The following DST variants were observed in gnomAD, a reference collection of about 807,000 sequenced individuals.
The protein encoded by DST is dystonin.
In DST, 253 loss-of-function variants were observed where a neutral mutation model predicts 875.2. That is an observed-to-expected ratio of 0.29 (90% confidence interval 0.26 to 0.32). DST has a LOEUF of 0.32. Ranked by LOEUF, DST falls within the 10% of genes least tolerant of loss-of-function variation. The pLI is 1.00. For missense variants in DST, 8,287 were observed against 9,111.6 expected (o/e 0.91, Z 3.68); for synonymous variants, 3,124 against 3,197.1 (o/e 0.98, Z 0.77).
intron 5 of DST, among the ~76,000 whole-genome samples, chr6:56,723,827 T>A (rs2099431547): frequency 6.6e-6 from 1 of 152,222 alleles, no homozygotes; most frequent in African/African-American, 2.4e-5. Context: ...CTTTTTAGTA[T>A]GCTAATGTGT....
At chr6:56,880,361 T>C (rs1178796168) in intron 3 of DST, among the ~76,000 whole-genome samples, 4 of 152,206 alleles carry the variant, frequency 2.6e-5, no homozygotes, top group African/African-American at 9.6e-5. Context: ...AAGAAATTAC[T>C]TCGGAGAAAC....
At chr6:56,712,070 G>C (rs1482863799) in intron 5 of DST, among the ~76,000 whole-genome samples, 2 of 116,912 alleles carry the variant, frequency 1.7e-5, no homozygotes, top group East Asian at 4.0e-4. Flanking sequence ...CAGCCTGGGC[G>C]ACAGAGCGAG....
chr6:56,851,653 T>G, intron 3 of DST, 49 bp from the exon 4 acceptor site: 6 of 1,586,564 alleles, frequency 3.8e-6, no homozygotes, highest in Non-Finnish European at 5.2e-6. Context: ...TACTCACATA[T>G]GCTCAATGAT....
Position 56,509,729 on chromosome 6 carries a change from G to A in DST, c.18925C>T (p.Leu6309=). 1 of 1,613,708 alleles carries A rather than the reference G, an allele frequency of 6.2e-7. No homozygotes were observed. Among genetic ancestry groups the A allele is most frequent in the Non-Finnish European group, 8.5e-7 (1 of 1,179,768 alleles). Residue 6309 remains leucine (L), a synonymous_variant, in exon 74 of 104, where the codon CTA becomes TTA. Coordinates refer to ENST00000680361, the MANE Select transcript of DST (RefSeq NM_001374736.1). The part of the protein sequence containing the change: ...NKNVSVDMEK[L]QPLYETLKQR... ...TTAAGAGTTTCATACAACGGCTGTAGCTTTTCCATGTCTACTGACACATTC... is the reference window on the plus strand; with the variant it reads ...TTAAGAGTTTCATACAACGGCTGTAACTTTTCCATGTCTACTGACACATTC...
At chr6:56,812,947 C>A (rs982373909) in intron 4 of DST, among the ~76,000 whole-genome samples, 3 of 151,470 alleles carry the variant, frequency 2.0e-5, no homozygotes, top group Admixed American at 1.3e-4. Flanking sequence ...ATGTTTATTG[C>A]GGCACTATTC....
intron 95 of DST, 108 bp downstream of exon 95, chr6:56,470,998 A>T: frequency 8.1e-7 from 1 of 1,231,720 alleles, no homozygotes; most frequent in Non-Finnish European, 1.1e-6. Context: ...TAGGCAACTT[A>T]TAAGACAATG....
At chr6:56,952,153 T>C (rs1235217731) in intron 2 of DST, among the ~76,000 whole-genome samples, 2 of 152,192 alleles carry the variant, frequency 1.3e-5, no homozygotes, top group East Asian at 3.8e-4. Flanking sequence ...AGGAATCTTA[T>C]GAAGTGAGTT....
At chr6:56,556,928 CAAAAT>C (rs1436351816) in intron 59 of DST, among the ~76,000 whole-genome samples, 2 of 152,090 alleles carry the variant, frequency 1.3e-5, no homozygotes, top group Non-Finnish European at 2.9e-5. Flanking sequence ...CTACCACAAT[CAAAAT>C]AAATAAAACC....
At chr6:56,742,997 C>G (rs998470938) in intron 4 of DST, among the ~76,000 whole-genome samples, 1 of 152,192 alleles carries the variant, frequency 6.6e-6, no homozygotes, top group Non-Finnish European at 1.5e-5. Context: ...TAAAATTCCA[C>G]AGCCAAAGTG....
chr6:56,465,057 T>C (rs1375602283), intron 99 of DST, among the ~76,000 whole-genome samples: 20 of 152,244 alleles, frequency 1.3e-4, no homozygotes, highest in Admixed American at 1.2e-3. Context: ...TTTCAAAATA[T>C]AAAACAAACA....
At chr6:56,923,166 A>T (rs891798413) in intron 2 of DST, among the ~76,000 whole-genome samples, 2 of 152,152 alleles carry the variant, frequency 1.3e-5, no homozygotes, top group African/African-American at 2.4e-5. Context: ...AATTCACTAC[A>T]GTTATAAATT....
intron 4 of DST, among the ~76,000 whole-genome samples, chr6:56,827,713 T>C (rs2099782423): frequency 6.6e-6 from 1 of 152,084 alleles, no homozygotes; most frequent in Admixed American, 6.5e-5. Context: ...TTACCTGCTG[T>C]TAGCATAGAG....
intron 4 of DST, chr6:56,742,246 T>C: frequency 2.4e-6 from 3 of 1,241,004 alleles, no homozygotes; most frequent in Non-Finnish European, 2.1e-6. Context: ...AACATGAAAG[T>C]GATAGTATAT....
intron 88 of DST, among the ~76,000 whole-genome samples, chr6:56,483,239 G>T (rs1459111712): frequency 6.6e-6 from 1 of 152,098 alleles, no homozygotes; most frequent in Non-Finnish European, 1.5e-5. Flanking sequence ...TTAATATGGT[G>T]TCCCAATTTC....
At chr6:56,762,558 T>A (rs1012665640) in intron 4 of DST, among the ~76,000 whole-genome samples, 1 of 152,222 alleles carries the variant, frequency 6.6e-6, no homozygotes, top group Non-Finnish European at 1.5e-5. Flanking sequence ...TTCTTAACTA[T>A]ATACTTCTTT....
intron 37 of DST, among the ~76,000 whole-genome samples, chr6:56,613,672 A>G (rs1247885323): frequency 6.6e-6 from 1 of 152,210 alleles, no homozygotes; most frequent in African/African-American, 2.4e-5. Flanking sequence ...CGGCAGCAAT[A>G]CTAAAATGTA....
At chr6:56,695,184 C>T (rs1444808636) in intron 9 of DST, among the ~76,000 whole-genome samples, 1 of 151,020 alleles carries the variant, frequency 6.6e-6, no homozygotes, top group African/African-American at 2.4e-5. Context: ...ACCTCCTACC[C>T]CTCCTCCTCC....
Position 56,459,020 on chromosome 6 carries a change from C to T in DST, c.23442G>A (p.Lys7814=), listed in dbSNP as rs781243197. 2.5e-6 allele frequency: 4 copies of T among 1,611,416 alleles called. No individual in the cohort carries two copies. In the African/African-American group the frequency reaches 4.0e-5, roughly 16 times the overall value. ...QRKSPASKLD[K]SSKR ...ACCAATTGCACTATCTCTTTGAGGA[C>T]TTGTCCAATTTGCTGGCAGGTGATT... The change falls in exon 104 of 104, where the codon AAG becomes AAA. Residue 7814 remains lysine (K), a synonymous_variant. Coordinates refer to ENST00000680361, the MANE Select transcript of DST (RefSeq NM_001374736.1).
chr6:56,760,626 T>A (rs2099614913), intron 4 of DST, among the ~76,000 whole-genome samples: 1 of 152,198 alleles, frequency 6.6e-6, no homozygotes, highest in Non-Finnish European at 1.5e-5. Context: ...CTCTTGCCCA[T>A]AAGGTGGCTG....
Sources: gnomAD v4.1 joint callset for allele counts (sites outside exome capture counted in the v4.1 genomes callset) on GRCh38, gnomAD v4.1.1 for gene constraint, MANE v1.5 for transcripts, NCBI Gene and HGNC (gene_info 2026-07-23, HGNC 2026-07-21) for gene names.